Variants in NKAIN3 observed in about 807,000 individuals in gnomAD.
NKAIN3 encodes sodium/potassium-transporting ATPase subunit beta-1-interacting protein 3.
NKAIN3 carries 25 observed loss-of-function variants against 30.2 expected under a neutral mutation model. The ratio of observed to expected loss-of-function variants is 0.83; its 90% CI spans 0.60 to 1.16. The LOEUF is 1.16. NKAIN3 is among the 50% of genes most tolerant of loss of function. The probability of loss-of-function intolerance (pLI) is 0.00; values close to 1 mark genes in which losing one functional copy is unlikely to be tolerated. For missense variants in NKAIN3, 225 were observed against 254.1 expected (o/e 0.89, Z 0.78); for synonymous variants, 91 against 89.6 (o/e 1.02, Z -0.09).
At chr8:62,424,571 G>C (rs568915420) in intron 1 of NKAIN3, among the ~76,000 whole-genome samples, 16 of 151,822 alleles carry the variant, frequency 1.1e-4, no homozygotes, top group African/African-American at 3.6e-4. Flanking sequence ...TAATCATCAG[G>C]GAAATGCAAA....
chr8:62,339,305 T>G (rs1213753533), intron 1 of NKAIN3, among the ~76,000 whole-genome samples: 2 of 151,966 alleles, frequency 1.3e-5, no homozygotes, highest in African/African-American at 4.8e-5. Flanking sequence ...GTTTAGAGTT[T>G]CTTTCCTTAG....
At chr8:62,816,167 G>A (rs568281003) in intron 4 of NKAIN3, among the ~76,000 whole-genome samples, 5 of 152,228 alleles carry the variant, frequency 3.3e-5, no homozygotes, top group Admixed American at 2.6e-4. Flanking sequence ...CAACTTTATG[G>A]AGTAACTTTC....
chr8:62,868,844 T>C (rs1203678439), intron 4 of NKAIN3, among the ~76,000 whole-genome samples: 1 of 152,108 alleles, frequency 6.6e-6, no homozygotes, highest in African/African-American at 2.4e-5. Context: ...AATCTGCCGA[T>C]AGACTGCAAG....
At chr8:62,840,876 A>T (rs1183317982) in intron 4 of NKAIN3, among the ~76,000 whole-genome samples, 1 of 152,192 alleles carries the variant, frequency 6.6e-6, no homozygotes, top group Non-Finnish European at 1.5e-5. Flanking sequence ...AGGTATGAAC[A>T]GCAGTGCATC....
In NKAIN3 at chr8:62,379,843, AC is replaced by A. The variant is rs528485961; in HGVS notation, c.54+130717del. Among the ~76,000 whole-genome samples, 22 of 152,156 alleles carry A rather than the reference AC, an allele frequency of 1.4e-4. No individual in the cohort carries two copies. In the East Asian group the frequency reaches 4.1e-3, roughly 28 times the overall value. On this transcript the variant is annotated intron_variant, in intron 1 of 6. Transcript: ENST00000623646. Reference sequence around the variant, plus strand: ...TTTCAGGACAGACCTTCCACTAGGGACTCCTACATAGTTTACCTCCTCAAAC... The same window carrying A: ...TTTCAGGACAGACCTTCCACTAGGGATCCTACATAGTTTACCTCCTCAAAC...
In NKAIN3 at chr8:62,671,539, C is replaced by G. The variant is rs1033514431; in HGVS notation, c.274-75393C>G. The stretch of plus-strand genomic sequence containing the variant: ...ATGTACTTTATAATTTTATTACTTT[C>G]CTAGATTTTTATTTTTAAAATGAGG... On this transcript the variant is annotated intron_variant, in intron 3 of 6. Transcript: ENST00000623646. Among the ~76,000 whole-genome samples the G allele has an allele frequency of 2.6e-5, 4 of 152,012 alleles. No homozygotes were observed. The South Asian group carries it at 6.2e-4, about 24-fold the overall frequency.
chr8:62,932,139 C>A (rs955182119), intron 5 of NKAIN3, among the ~76,000 whole-genome samples: 1 of 152,118 alleles, frequency 6.6e-6, no homozygotes, highest in Non-Finnish European at 1.5e-5. Flanking sequence ...ATTTTTTAGT[C>A]CTTAAAATAT....
At chr8:62,903,942 A>G (rs1466762331) in intron 4 of NKAIN3, among the ~76,000 whole-genome samples, 1 of 152,094 alleles carries the variant, frequency 6.6e-6, no homozygotes, top group Non-Finnish European at 1.5e-5. Context: ...AATTATCTCT[A>G]CCTGGTCCCA....
At chr8:62,653,043 A>G (rs762480782) in intron 3 of NKAIN3, among the ~76,000 whole-genome samples, 2 of 152,204 alleles carry the variant, frequency 1.3e-5, no homozygotes, top group African/African-American at 2.4e-5. Context: ...GTTCAGGGCA[A>G]TAACCCCACC....
intron 5 of NKAIN3, among the ~76,000 whole-genome samples, chr8:62,995,614 T>C (rs1363850436): frequency 6.6e-6 from 1 of 151,934 alleles, no homozygotes; most frequent in Non-Finnish European, 1.5e-5. Flanking sequence ...GAGGAAATGG[T>C]AAACACAAGG....
intron 1 of NKAIN3, among the ~76,000 whole-genome samples, chr8:62,351,496 A>C (rs1816178003): frequency 6.7e-6 from 1 of 149,288 alleles, no homozygotes; most frequent in Admixed American, 6.7e-5. Context: ...TTATATTATA[A>C]TATATAAAAT....
At chr8:62,866,960 C>T (rs909438430) in intron 4 of NKAIN3, among the ~76,000 whole-genome samples, 4 of 150,050 alleles carry the variant, frequency 2.7e-5, no homozygotes, top group Non-Finnish European at 5.9e-5. Context: ...GAGGCTGAGG[C>T]AGGAGAATGG....
chr8:62,554,761 G>A (rs1389570555), intron 1 of NKAIN3, among the ~76,000 whole-genome samples: 1 of 151,798 alleles, frequency 6.6e-6, no homozygotes, highest in Non-Finnish European at 1.5e-5. Context: ...AATAATCCTG[G>A]TGTTGCACAT....
Position 62,576,434 on chromosome 8 carries a change from G to A in NKAIN3, c.55-3105G>A, listed in dbSNP as rs116738598. On this transcript the variant is annotated intron_variant, in intron 1 of 6. Transcript: ENST00000623646. The stretch of plus-strand genomic sequence containing the variant: ...GGTCTCATTCATTCTCTTCGCTTGG[G>A]CATCTCTGCAGAGATCCTCTTTCAG... Among the ~76,000 whole-genome samples the A allele has an allele frequency of 6.7e-3, 1,020 of 151,828 alleles. 14 individuals are homozygous for A. The highest frequency in any genetic ancestry group is 0.023 in the African/African-American group (943 of 41,438).
chr8:62,851,252 C>A (rs1263127053), intron 4 of NKAIN3, among the ~76,000 whole-genome samples: 3 of 152,096 alleles, frequency 2.0e-5, no homozygotes, highest in African/African-American at 4.8e-5. Context: ...ATTTGGCTCT[C>A]TGTTTGTCTG....
intron 1 of NKAIN3, among the ~76,000 whole-genome samples, chr8:62,401,353 G>C (rs146706100): frequency 1.2e-3 from 183 of 151,954 alleles, no homozygotes; most frequent in African/African-American, 3.3e-3. Flanking sequence ...CATGAATTTT[G>C]TTGAGTTTCC....
chr8:62,395,399 C>T (rs1485320898), intron 1 of NKAIN3, among the ~76,000 whole-genome samples: 3 of 152,132 alleles, frequency 2.0e-5, no homozygotes, highest in Non-Finnish European at 4.4e-5. Flanking sequence ...GCGCTCTTCA[C>T]TTCCCAGGCG....
chr8:62,412,915 A>AC (rs1427139027), intron 1 of NKAIN3, among the ~76,000 whole-genome samples: 43 of 82,284 alleles, frequency 5.2e-4, no homozygotes, highest in African/African-American at 1.7e-3. Context: ...CCGTCAAAAA[A>AC]AAAAAACAAA....
In NKAIN3 at chr8:62,856,235, G is replaced by T. The variant is rs1403160892; in HGVS notation, c.472-62218G>T. On this transcript the variant is annotated intron_variant, in intron 4 of 6. Coordinates refer to ENST00000623646, the MANE Select transcript of NKAIN3 (RefSeq NM_001304533.3). ...GGTCTTGGTTTTCACTGGTTCATTT[G>T]TTTCCCAATAGAGCTTTATTGGAGA... 3 of 868,514 alleles carry T rather than the reference G, an allele frequency of 3.5e-6. No individual in the cohort carries two copies. The East Asian group carries it at 7.3e-5, about 21-fold the overall frequency. The allele number at this position is 868,514 out of a possible 1,614,324, so 53.8% of individuals were successfully genotyped here. A position where few individuals can be genotyped will look rare whatever the true frequency, so the allele number is the denominator to read the frequency against.
Sources: gnomAD v4.1 joint callset for allele counts (sites outside exome capture counted in the v4.1 genomes callset) on GRCh38, gnomAD v4.1.1 for gene constraint, MANE v1.5 for transcripts, NCBI Gene and HGNC (gene_info 2026-07-23, HGNC 2026-07-21) for gene names.